Variants in GRAMD4 observed in about 807,000 individuals in gnomAD.
GRAMD4 encodes GRAM domain-containing protein 4.
Under a neutral mutation model 83.9 loss-of-function variants are expected in GRAMD4, and 25 were observed. That is an observed-to-expected ratio of 0.30 (90% CI 0.22 to 0.42). The LOEUF (loss-of-function observed/expected upper bound fraction) is 0.42. Among genes scored for constraint, GRAMD4 ranks in the 10% least tolerant of loss-of-function variants. The pLI is 1.00. For synonymous variants in GRAMD4, 336 were observed against 320.9 expected (o/e 1.05, Z -0.50); for missense variants, 593 against 788.7 (o/e 0.75, Z 2.97).
chr22:46,639,854 G>A (rs1219178882), intron 3 of GRAMD4, among the ~76,000 whole-genome samples: 1 of 152,204 alleles, frequency 6.6e-6, no homozygotes, highest in Non-Finnish European at 1.5e-5. Flanking sequence ...ATGAGCCTTA[G>A]GTTGCATAGA....
At chr22:46,586,684 A>C (rs964075685) in intron 1 of GRAMD4, among the ~76,000 whole-genome samples, 9 of 152,196 alleles carry the variant, frequency 5.9e-5, no homozygotes, top group Non-Finnish European at 1.3e-4. Flanking sequence ...TCAGCTTCTC[A>C]GGGCGACTGG....
At chr22:46,625,173 G>T (rs1158975347) in intron 1 of GRAMD4, among the ~76,000 whole-genome samples, 1 of 152,160 alleles carries the variant, frequency 6.6e-6, no homozygotes, top group Admixed American at 6.6e-5. Flanking sequence ...TGTGGGTTTT[G>T]CAGCAGGGCC....
intron 2 of GRAMD4, among the ~76,000 whole-genome samples, chr22:46,636,672 A>G (rs1569278766): frequency 6.6e-6 from 1 of 152,150 alleles, no homozygotes; most frequent in African/African-American, 2.4e-5. Flanking sequence ...CTGTGGTGGG[A>G]CACTCACTCG....
At chr22:46,673,524 G>A in intron 14 of GRAMD4, 146 bp from the exon 15 acceptor site, 2 of 997,958 alleles carry the variant, frequency 2.0e-6, no homozygotes, top group South Asian at 3.0e-5. Flanking sequence ...CCTGGAAGAA[G>A]GAGCCGCTCT....
rs138233581 is a variant in GRAMD4, at chr22:46,601,649, A to G, written c.-50+24359A>G. Among the ~76,000 whole-genome samples the G allele has an allele frequency of 6.0e-3, 908 of 152,220 alleles. 6 individuals carry two copies. Among genetic ancestry groups the G allele is most frequent in the Non-Finnish European group, 8.4e-3 (571 of 68,008 alleles). ...CATCTCTACTAAAAATAAAAAAATT[A>G]GCCAGACATGTTGGCATGTGCCTGT... On this transcript the variant is annotated intron_variant, in intron 1 of 1. Coordinates refer to the GRAMD4 transcript ENST00000431155.
chr22:46,644,946 C>T (rs1331889730), intron 3 of GRAMD4, among the ~76,000 whole-genome samples: 1 of 122,408 alleles, frequency 8.2e-6, no homozygotes, highest in East Asian at 2.6e-4. Flanking sequence ...GACGGGGCTT[C>T]ACCATGTTGC....
chr22:46,630,718 C>T (rs1453202007), intron 2 of GRAMD4, among the ~76,000 whole-genome samples: 1 of 152,246 alleles, frequency 6.6e-6, no homozygotes, highest in Admixed American at 6.5e-5. Context: ...TCTGTCCCCA[C>T]TGAGGGATCG....
chr22:46,626,282 C>T (rs944455908), intron 1 of GRAMD4, among the ~76,000 whole-genome samples: 2 of 152,234 alleles, frequency 1.3e-5, no homozygotes, highest in African/African-American at 4.8e-5. Context: ...TCGTGTTGAC[C>T]ACGTTCTTGA....
In GRAMD4 at chr22:46,626,756, C is replaced by A; in HGVS notation, c.-44C>A. The A allele has an allele frequency of 6.3e-7, 1 of 1,599,028 alleles. No homozygotes were observed. Among genetic ancestry groups the A allele is most frequent in the Non-Finnish European group, 8.6e-7 (1 of 1,168,964 alleles). Reference sequence around the variant, plus strand: ...ACCACGCCCCTCTCTTGCAGGGAACCCGAGCGTCATGTTAGGGTGAAGCAG... The same window carrying A: ...ACCACGCCCCTCTCTTGCAGGGAACACGAGCGTCATGTTAGGGTGAAGCAG... On this transcript the variant is annotated 5_prime_UTR_variant, in exon 2 of 19. Transcript: ENST00000406902.
At chr22:46,590,684 G>GGAA (rs1309788460) in intron 1 of GRAMD4, among the ~76,000 whole-genome samples, 9 of 152,348 alleles carry the variant, frequency 5.9e-5, no homozygotes, top group African/African-American at 2.2e-4. Context: ...TTGGGTGAGG[G>GGAA]GAGGAGGAGC....
chr22:46,665,576 A>G, intron 8 of GRAMD4, 39 bp from the exon 9 acceptor site: 3 of 1,137,288 alleles, frequency 2.6e-6, no homozygotes, highest in Non-Finnish European at 4.0e-6. Flanking sequence ...TCCTGATCCA[A>G]GCTGTCAGGA....
At chr22:46,631,135 T>G (rs1172158490) in intron 2 of GRAMD4, among the ~76,000 whole-genome samples, 2 of 152,260 alleles carry the variant, frequency 1.3e-5, no homozygotes, top group African/African-American at 4.8e-5. Flanking sequence ...GCTTCATTCT[T>G]TTTATTTGTT....
chr22:46,630,604 G>A (rs565623965), intron 2 of GRAMD4, among the ~76,000 whole-genome samples: 4 of 152,352 alleles, frequency 2.6e-5, no homozygotes, highest in East Asian at 3.9e-4. Flanking sequence ...TGTTCTGACC[G>A]CCCCTCTCAG....
chr22:46,639,410 TGTTA>T (rs1010037118), intron 3 of GRAMD4, among the ~76,000 whole-genome samples: 25 of 150,024 alleles, frequency 1.7e-4, no homozygotes, highest in Non-Finnish European at 2.5e-4. Flanking sequence ...ATGTGTGCAG[TGTTA>T]GTTAATCCAG....
At chr22:46,599,169 G>A (rs1180048333) in intron 1 of GRAMD4, among the ~76,000 whole-genome samples, 1 of 152,154 alleles carries the variant, frequency 6.6e-6, no homozygotes, top group Non-Finnish European at 1.5e-5. Context: ...TGGGACCACT[G>A]GGGGTCAGAT....
rs753619233 is a variant in GRAMD4 at position 46,626,840 on chromosome 22, A to AGAGAGAT, written c.44_50dup (p.Asp17GlufsTer3). On this transcript the variant is annotated frameshift_variant, in exon 2 of 19. Coordinates refer to ENST00000406902, the MANE Select transcript of GRAMD4 (RefSeq NM_015124.5). LOFTEE classifies it high-confidence loss of function. ...GACAAAATCAGGTTCAGAGGTCACAAGAGAGATGACTTCCTCGATCTAGCG... is the reference window on the plus strand; with the variant it reads ...GACAAAATCAGGTTCAGAGGTCACAAGAGAGATGAGAGATGACTTCCTCGATCTAGCG... 1 of 1,613,890 alleles carries AGAGAGAT rather than the reference A, an allele frequency of 6.2e-7. No individual in the cohort carries two copies. The highest frequency in any genetic ancestry group is 1.7e-5 in the Admixed American group (1 of 60,026).
chr22:46,662,541 G>A (rs1310971583), intron 5 of GRAMD4, among the ~76,000 whole-genome samples: 3 of 152,342 alleles, frequency 2.0e-5, no homozygotes, highest in South Asian at 2.1e-4. Flanking sequence ...GGCTGGCTGC[G>A]CTCGCCAGGC....
Position 46,665,652 on chromosome 22 carries a change from C to T in GRAMD4, c.755C>T (p.Pro252Leu). The stretch of plus-strand genomic sequence containing the variant: ...GCCGTGTGGCATGGCTGGGCCATCC[C>T]ATTGTTCTTATTTCTAGCAATTCTG... ...MNAVWHGWAI[P>L]LFLFLAILRL... The change falls in exon 9 of 19, where the codon CCA becomes CTA. Residue 252 changes from proline (P) to leucine (L), a missense_variant. Around this residue, in one of 4 missense-constraint regions of GRAMD4, gnomAD observed 312 missense variants for 350.7 expected, o/e 0.89. Transcript: ENST00000406902. The T allele has an allele frequency of 6.2e-7, 1 of 1,607,684 alleles. No individual in the cohort carries two copies.
At chr22:46,632,374 ATCTTGAGAGG>A (rs1016859427) in intron 2 of GRAMD4, among the ~76,000 whole-genome samples, 1 of 152,236 alleles carries the variant, frequency 6.6e-6, no homozygotes, top group African/African-American at 2.4e-5. Flanking sequence ...CCCACGCCCC[ATCTTGAGAGG>A]GCTGCAGATT....
Sources: gnomAD v4.1 joint callset for allele counts (sites outside exome capture counted in the v4.1 genomes callset) on GRCh38, gnomAD v4.1.1 for gene constraint, gnomAD v4.1.1 regional missense constraint, MANE v1.5 for transcripts, NCBI Gene and HGNC (gene_info 2026-07-23, HGNC 2026-07-21) for gene names.